The following COL20A1 variants were observed in gnomAD, a reference collection of about 807,000 sequenced individuals.
COL20A1 encodes collagen type XX alpha 1 chain, also known as collagen alpha-1(XX) chain.
In COL20A1, 164 loss-of-function variants were observed where a neutral mutation model predicts 152.9. The ratio of observed to expected loss-of-function variants is 1.07; its 90% CI spans 0.94 to 1.22. COL20A1 has a LOEUF of 1.22. COL20A1 is among the 50% of genes most tolerant of loss of function. COL20A1 has a pLI of 0.00. For missense variants in COL20A1, 1,873 were observed against 1,744.8 expected (o/e 1.07, Z -1.31); for synonymous variants, 864 against 756.0 (o/e 1.14, Z -2.34).
Position 63,319,299 on chromosome 20 carries a change from C to A in COL20A1, c.2806+99C>A, listed in dbSNP as rs1402514764. On this transcript the variant is annotated intron_variant, in intron 22 of 35. Coordinates refer to ENST00000358894, the MANE Select transcript of COL20A1 (RefSeq NM_020882.4). The surrounding 1 kb of genome is among the most constrained non-coding windows in gnomAD (Gnocchi z 4.4). The stretch of plus-strand genomic sequence containing the variant: ...CTTCAGAGGAAGTCCAGCCTCCAGG[C>A]CAGGCCCTCAGCACCCTCTGGGTGG... 4 of 1,340,442 alleles carry A rather than the reference C, an allele frequency of 3.0e-6. No individual in the cohort carries two copies. The highest frequency in any genetic ancestry group is 2.0e-4 in the Middle Eastern group (1 of 5,078). 83.0% of individuals were successfully genotyped at this position (1,340,442 alleles called of 1,614,324 possible). A position where few individuals can be genotyped will look rare whatever the true frequency, so the allele number is the denominator to read the frequency against.
intron 19 of COL20A1, among the ~76,000 whole-genome samples, chr20:63,314,557 T>C (rs911067): frequency 0.9 from 137,144 of 152,216 alleles, 62,245 homozygotes; most frequent in East Asian, 1. Flanking sequence ...CCTCTGGGCT[T>C]CCCATTGTGG....
intron 3 of COL20A1, among the ~76,000 whole-genome samples, chr20:63,302,408 G>A (rs557180481): frequency 6.6e-6 from 1 of 152,300 alleles, no homozygotes; most frequent in East Asian, 1.9e-4. Context: ...GAAGCCTCCT[G>A]CTTCCAGGTT....
At position 63,307,577 on chromosome 20, in the gene COL20A1, TC is replaced by T; in HGVS notation, c.586del (p.Gln196SerfsTer23). 6.2e-7 allele frequency: 1 copy of T among 1,612,686 alleles called. No homozygotes were observed. The highest frequency in any genetic ancestry group is 8.5e-7 in the Non-Finnish European group (1 of 1,179,744). On this transcript the variant is annotated frameshift_variant, in exon 6 of 36. Coordinates refer to ENST00000358894, the MANE Select transcript of COL20A1 (RefSeq NM_020882.4). LOFTEE classifies it high-confidence loss of function. ...DGSWSIGHSH[F>X]QQVKDFLASV... ...TCCTGGAGCATTGGCCACAGTCACT[TC>T]CAGCAGGTCAAGGACTTCCTGGCCA...
chr20:63,322,210 C>T (rs893533378), intron 27 of COL20A1, 99 bp downstream of exon 27: 37 of 999,882 alleles, frequency 3.7e-5, no homozygotes, highest in Middle Eastern at 2.1e-4. Context: ...GGGAGCTGCA[C>T]GCAGCTTCCC....
rs374690414 is a variant in COL20A1 at position 63,333,628 on chromosome 20, G to A, written c.*2912G>A. The A allele has an allele frequency of 6.6e-6, 1 of 152,286 alleles. No individual in the cohort carries two copies. The highest frequency in any genetic ancestry group is 6.5e-5 in the Admixed American group (1 of 15,288). The allele number at this position is 152,286 out of a possible 1,614,324, so 9.4% of individuals were successfully genotyped here. A position where few individuals can be genotyped will look rare whatever the true frequency, so the allele number is the denominator to read the frequency against. On this transcript the variant is annotated 3_prime_UTR_variant, in exon 36 of 36. Coordinates refer to ENST00000358894, the MANE Select transcript of COL20A1 (RefSeq NM_020882.4). ...AGAACGGCTCAGTGATGAGCTCAGA[G>A]GGAGGGGTGGGCACAGCGCCCAGGA... is the stretch of plus-strand genomic sequence containing the variant.
Position 63,310,417 on chromosome 20 carries a change from C to T in COL20A1, c.1300C>T (p.His434Tyr). 2 of 1,610,796 alleles carry T rather than the reference C, an allele frequency of 1.2e-6. No homozygotes were observed. The highest frequency in any genetic ancestry group is 8.5e-7 in the Non-Finnish European group (1 of 1,179,142). ...GGGACCCGCCGCCTCCACGGAGCTG[C>T]ACAACCTGGCCTCCCGCACAGAGTA... ...VEGPAASTEL[H>Y]NLASRTEYLV... Residue 434 changes from histidine to tyrosine, a missense_variant, in exon 11 of 36, where the codon CAC (histidine) becomes TAC (tyrosine). Physicochemically the swap from His to Tyr is moderately conservative, Grantham distance 83 (BLOSUM62 2). Coordinates refer to ENST00000358894, the MANE Select transcript of COL20A1 (RefSeq NM_020882.4).
In COL20A1 at chr20:63,295,132, C is replaced by T. The variant is rs1336282422; in HGVS notation, c.25C>T (p.Leu9Phe). 2 of 1,553,374 alleles carry T rather than the reference C, an allele frequency of 1.3e-6. No individual in the cohort carries two copies. The highest frequency in any genetic ancestry group is 2.4e-5 in the East Asian group (1 of 41,128). MSSGDPAH[L>F]GLCLWLWLGA... ...CATGAGCTCCGGAGACCCTGCACAC[C>T]TCGGCCTCTGCCTCTGGCTGTGGCT... is the stretch of plus-strand genomic sequence containing the variant. The change falls in exon 2 of 36, where the codon CTC (leucine) becomes TTC (phenylalanine). Residue 9 changes from leucine (L) to phenylalanine (F), a missense_variant. Coordinates refer to ENST00000358894, the MANE Select transcript of COL20A1 (RefSeq NM_020882.4).
At chr20:63,301,729 A>G (rs1214879715) in intron 3 of COL20A1, among the ~76,000 whole-genome samples, 7 of 152,086 alleles carry the variant, frequency 4.6e-5, no homozygotes, top group Non-Finnish European at 1.0e-4. Context: ...TTGCTTCACC[A>G]GGTAGTGTTT....
rs118071531 is a variant in COL20A1 at position 63,332,962 on chromosome 20, C to G, written c.*2246C>G. 3 of 152,262 alleles carry G rather than the reference C, an allele frequency of 2.0e-5. No homozygotes were observed. Among genetic ancestry groups the G allele is most frequent in the South Asian group, 4.1e-4 (2 of 4,826 alleles). 9.4% of individuals were successfully genotyped at this position (152,262 alleles called of 1,614,324 possible). A position where few individuals can be genotyped will look rare whatever the true frequency, so the allele number is the denominator to read the frequency against. ...CCTGTTTGCAGGAAGGCAGCCTCCC[C>G]GAGACCCAGCCGACCTGCACGTCTC... On this transcript the variant is annotated 3_prime_UTR_variant, in exon 36 of 36. Transcript: ENST00000358894.
At chr20:63,325,259 G>C (rs1404917833) in intron 27 of COL20A1, 182 bp from the exon 28 acceptor site, 1 of 708,646 alleles carries the variant, frequency 1.4e-6, no homozygotes, top group Admixed American at 2.0e-5. Flanking sequence ...CCCGCTGCCT[G>C]TGTCTCCAGG....
chr20:63,309,570 T>C (rs2067976939), intron 9 of COL20A1, 73 bp downstream of exon 9: 1 of 1,371,676 alleles, frequency 7.3e-7, no homozygotes, highest in Non-Finnish European at 9.6e-7. Flanking sequence ...GGGGACGCTG[T>C]GGCTCCCGTG....
intron 6 of COL20A1, 53 bp from the exon 7 acceptor site, chr20:63,307,918 C>T: frequency 1.9e-6 from 3 of 1,600,104 alleles, no homozygotes; most frequent in Non-Finnish European, 2.6e-6. Flanking sequence ...GCCAAGCTCC[C>T]TGGGCATCTC....
intron 21 of COL20A1, among the ~76,000 whole-genome samples, chr20:63,317,044 C>T (rs572542373): frequency 4.6e-5 from 7 of 152,200 alleles, no homozygotes; most frequent in African/African-American, 1.7e-4. Flanking sequence ...TTAGAGGAAG[C>T]GATCACTCAA....
At chr20:63,303,804 C>A (rs2067886731) in intron 3 of COL20A1, among the ~76,000 whole-genome samples, 1 of 145,144 alleles carries the variant, frequency 6.9e-6, no homozygotes, top group Non-Finnish European at 1.5e-5. Flanking sequence ...TCCCTCCCTT[C>A]CTCCCTCCCT....
intron 31 of COL20A1, chr20:63,327,355 G>C (rs1384894209): frequency 5.7e-6 from 1 of 176,426 alleles, no homozygotes; most frequent in Non-Finnish European, 1.2e-5. Context: ...TAGTACAAGA[G>C]AGTGTAGCTA....
Position 63,328,348 on chromosome 20 carries a change from G to A in COL20A1, c.3631G>A (p.Asp1211Asn), listed in dbSNP as rs752051366. 8.1e-6 allele frequency: 13 copies of A among 1,612,078 alleles called. No individual in the cohort carries two copies. The highest frequency in any genetic ancestry group is 4.0e-5 in the African/African-American group (3 of 74,888). Residue 1211 changes from aspartate (D) to asparagine (N), a missense_variant, in exon 34 of 36, where the codon GAC becomes AAC. Transcript: ENST00000358894. ...CCCCACAGCACACGTGTCAAAGTTC[G>A]ACTCCTTCCACGAGAACACCAGGCC... ...VSQASHVSKF[D>N]SFHENTRPPM...
chr20:63,312,795 A>C lies in COL20A1; in HGVS notation c.1937A>C (p.Lys646Thr). Residue 646 changes from lysine (K) to threonine (T), a missense_variant, in exon 16 of 36, where the codon AAA becomes ACA. Transcript: ENST00000358894. ...CCTGTGTCTCCACTTCCTTCAGAGA[A>C]AGCTCCCAGCCCAAGCCAGCTGTCC... is the stretch of plus-strand genomic sequence containing the variant. ...STLTGRVTTK[K>T]APSPSQLSMT... 6.5e-7 allele frequency: 1 copy of C among 1,546,282 alleles called. No individual in the cohort carries two copies. The highest frequency in any genetic ancestry group is 2.4e-5 in the East Asian group (1 of 41,494).
rs1231949841 is a variant in COL20A1 at position 63,330,700 on chromosome 20, C to T, written c.*4-20C>T. On this transcript the variant is annotated intron_variant, in intron 35 of 35. Transcript: ENST00000358894. ...GCTGTCTTCGGCCTCTCACATCTGTCCTCCCTTCTCTCCTGCCAGGACATT... is the reference window on the plus strand; with the variant it reads ...GCTGTCTTCGGCCTCTCACATCTGTTCTCCCTTCTCTCCTGCCAGGACATT... 1 of 152,274 alleles carries T rather than the reference C, an allele frequency of 6.6e-6. No individual in the cohort carries two copies. Among genetic ancestry groups the T allele is most frequent in the African/African-American group, 2.4e-5 (1 of 41,444 alleles). The allele number at this position is 152,274 out of a possible 1,614,324, so 9.4% of individuals were successfully genotyped here.
chr20:63,315,440 G>T lies in COL20A1; in HGVS notation c.2524+1G>T. The T allele has an allele frequency of 6.4e-7, 1 of 1,574,412 alleles. No homozygotes were observed. On this transcript the variant is annotated splice_donor_variant, in intron 20 of 35. Coordinates refer to ENST00000358894, the MANE Select transcript of COL20A1 (RefSeq NM_020882.4). LOFTEE classifies it high-confidence loss of function. ...CTCCGCCCTGACGGCTCCCTCCCAG[G>T]TGGGTCCTGCATGCCCTCCCCTGCC...
Sources: allele counts gnomAD v4.1 joint callset (sites outside exome capture counted in the v4.1 genomes callset), GRCh38; gene constraint gnomAD v4.1.1; non-coding constraint Gnocchi (gnomAD v3.1); transcripts MANE v1.5; gene names NCBI Gene and HGNC (gene_info 2026-07-23, HGNC 2026-07-21).